The following DAB1 variants were observed in gnomAD, a reference collection of about 807,000 sequenced individuals.
DAB1 encodes DAB adaptor protein 1.
A neutral mutation model predicts 64.6 loss-of-function variants in DAB1; 15 were observed. That is an observed-to-expected ratio of 0.23 (90% confidence interval 0.16 to 0.36). DAB1 has a LOEUF of 0.36. DAB1 is among the 10% of genes least tolerant of loss of function. The probability of loss-of-function intolerance (pLI) is 1.00; values close to 1 mark genes in which losing one functional copy is unlikely to be tolerated. For synonymous variants in DAB1, 235 were observed against 251.9 expected, an observed-to-expected ratio of 0.93 and a Z score of 0.64; for missense variants, 596 against 706.7, an observed-to-expected ratio of 0.84 and a Z score of 1.78.
chr1:57,193,913 C>T (rs1489949733), intron 2 of DAB1, among the ~76,000 whole-genome samples: 1 of 152,226 alleles, frequency 6.6e-6, no homozygotes, highest in African/African-American at 2.4e-5. Context: ...CTGTCTATAC[C>T]TCCATTTCCT....
intron 11 of DAB1, among the ~76,000 whole-genome samples, chr1:57,022,925 A>G (rs1329404847): frequency 6.6e-6 from 1 of 152,284 alleles, no homozygotes; most frequent in African/African-American, 2.4e-5. Flanking sequence ...CTCACCTGCA[A>G]TACTGCCACT....
At chr1:57,338,851 GA>G (rs1207969689) in intron 1 of DAB1, among the ~76,000 whole-genome samples, 1 of 152,156 alleles carries the variant, frequency 6.6e-6, no homozygotes, top group African/African-American at 2.4e-5. Flanking sequence ...CCTACTTTGT[GA>G]GTTTACTGAG....
At chr1:58,466,189 G>A (rs1458659536) in intron 3 of DAB1, among the ~76,000 whole-genome samples, 1 of 152,070 alleles carries the variant, frequency 6.6e-6, no homozygotes, top group Non-Finnish European at 1.5e-5. Context: ...GGAGACGTGG[G>A]ACTCCTCTCG....
intron 1 of DAB1, among the ~76,000 whole-genome samples, chr1:57,397,549 G>C (rs1682911595): frequency 6.6e-6 from 1 of 152,178 alleles, no homozygotes; most frequent in Non-Finnish European, 1.5e-5. Flanking sequence ...CTGAGGAAAG[G>C]AGCTAAGTCA....
At chr1:57,435,096 T>TGGA (rs1407217479) in intron 7 of DAB1, among the ~76,000 whole-genome samples, 2 of 146,970 alleles carry the variant, frequency 1.4e-5, no homozygotes, top group Non-Finnish European at 3.0e-5. Context: ...TCACCCAGGC[T>TGGA]GGAGCGTAGT....
At chr1:58,419,585 C>A (rs706418) in intron 3 of DAB1, among the ~76,000 whole-genome samples, 16,065 of 152,222 alleles carry the variant, frequency 0.11, 1,154 homozygotes, top group East Asian at 0.32. Flanking sequence ...TCTCACATCT[C>A]TCTCTGCTCC....
chr1:58,120,821 A>G (rs1652691403), intron 5 of DAB1, among the ~76,000 whole-genome samples: 1 of 152,212 alleles, frequency 6.6e-6, no homozygotes, highest in Non-Finnish European at 1.5e-5. Flanking sequence ...AAGCAATGGA[A>G]GAGGGTACTT....
At chr1:57,713,265 C>T (rs896294271) in intron 6 of DAB1, among the ~76,000 whole-genome samples, 1 of 152,154 alleles carries the variant, frequency 6.6e-6, no homozygotes, top group Non-Finnish European at 1.5e-5. Context: ...GCAACATAAC[C>T]TAAGGATGAA....
At chr1:58,400,356 C>A (rs1377715537) in intron 3 of DAB1, among the ~76,000 whole-genome samples, 4 of 152,028 alleles carry the variant, frequency 2.6e-5, no homozygotes, top group African/African-American at 7.2e-5. Flanking sequence ...AGACCAGACA[C>A]CCATCCCTGG....
chr1:57,769,177 T>C (rs1649451734), intron 6 of DAB1, among the ~76,000 whole-genome samples: 1 of 152,158 alleles, frequency 6.6e-6, no homozygotes, highest in Admixed American at 6.5e-5. Flanking sequence ...AATAACCTTA[T>C]GTATGTGTGC....
chr1:57,133,638 G>T (rs1657820383), intron 4 of DAB1, among the ~76,000 whole-genome samples: 1 of 152,162 alleles, frequency 6.6e-6, no homozygotes. Context: ...TCAAGACAGG[G>T]TGTAAATTGC....
chr1:57,982,963 C>T (rs1030490926), intron 5 of DAB1, among the ~76,000 whole-genome samples: 1 of 152,168 alleles, frequency 6.6e-6, no homozygotes, highest in Non-Finnish European at 1.5e-5. Context: ...AAAACGAAGG[C>T]TCAGAGAGAA....
At chr1:57,492,140 T>G (rs956508484) in intron 7 of DAB1, among the ~76,000 whole-genome samples, 1 of 152,240 alleles carries the variant, frequency 6.6e-6, no homozygotes, top group Admixed American at 6.5e-5. Flanking sequence ...GACATGTTCA[T>G]AGTCTCCTGA....
At chr1:57,020,306 T>G (rs1362565634) in intron 11 of DAB1, among the ~76,000 whole-genome samples, 4 of 152,214 alleles carry the variant, frequency 2.6e-5, no homozygotes, top group African/African-American at 9.6e-5. Context: ...GTAGCAAACA[T>G]CTGTTGAGTG....
intron 2 of DAB1, among the ~76,000 whole-genome samples, chr1:57,152,300 A>G (rs1659763147): frequency 6.6e-6 from 1 of 152,182 alleles, no homozygotes; most frequent in African/African-American, 2.4e-5. Flanking sequence ...AATGGTTTGA[A>G]GATTTCTGCT....
intron 1 of DAB1, among the ~76,000 whole-genome samples, chr1:57,361,374 T>C (rs1433792982): frequency 6.6e-6 from 1 of 152,092 alleles, no homozygotes; most frequent in Non-Finnish European, 1.5e-5. Context: ...TATGACCACA[T>C]ATGTATGTAA....
intron 7 of DAB1, among the ~76,000 whole-genome samples, chr1:57,550,912 G>T (rs939450266): frequency 6.6e-6 from 1 of 152,106 alleles, no homozygotes; most frequent in Non-Finnish European, 1.5e-5. Flanking sequence ...CAAGTATTAT[G>T]CTAGGTACTT....
chr1:57,459,271 T>C (rs2101174234), intron 7 of DAB1, among the ~76,000 whole-genome samples: 1 of 152,294 alleles, frequency 6.6e-6, no homozygotes. Context: ...ACTCAAAGCA[T>C]TTGAAATATT....
intron 4 of DAB1, among the ~76,000 whole-genome samples, chr1:58,224,474 A>G (rs946571259): frequency 6.6e-6 from 1 of 152,174 alleles, no homozygotes; most frequent in Non-Finnish European, 1.5e-5. Context: ...ATTTCCAGTT[A>G]TTGAGCATCT....
Sources: gnomAD v4.1 joint callset for allele counts (sites outside exome capture counted in the v4.1 genomes callset) on GRCh38, gnomAD v4.1.1 for gene constraint, MANE v1.5 for transcripts, NCBI Gene and HGNC (gene_info 2026-07-23, HGNC 2026-07-21) for gene names.